The following ZMAT4 variants were observed in gnomAD, a reference collection of about 807,000 sequenced individuals.
The protein encoded by ZMAT4 is zinc finger matrin-type 4.
In ZMAT4, 17 loss-of-function variants were observed where a neutral mutation model predicts 28.7. The observed-to-expected ratio is 0.59, with a 90% confidence interval of 0.41 to 0.89. The LOEUF is 0.89. Ranked by LOEUF, ZMAT4 falls within the 40% of genes least tolerant of loss-of-function variation. The pLI is 0.00. For synonymous variants in ZMAT4, 117 were observed against 109.2 expected (o/e 1.07, Z -0.44); for missense variants, 240 against 283.8 (o/e 0.85, Z 1.11).
chr8:40,720,332 G>A (rs767249312), intron 3 of ZMAT4, among the ~76,000 whole-genome samples: 2 of 151,962 alleles, frequency 1.3e-5, no homozygotes, highest in Non-Finnish European at 2.9e-5. Context: ...TCTACACTTG[G>A]TTTTCTAGGA....
At chr8:40,604,741 C>T (rs190886329) in intron 5 of ZMAT4, among the ~76,000 whole-genome samples, 41 of 152,190 alleles carry the variant, frequency 2.7e-4, no homozygotes, top group Admixed American at 1.5e-3. Flanking sequence ...CCTCATAGAA[C>T]GATTTAGAAA....
intron 6 of ZMAT4, among the ~76,000 whole-genome samples, chr8:40,578,574 C>T (rs1804346065): frequency 6.6e-6 from 1 of 152,032 alleles, no homozygotes; most frequent in South Asian, 2.1e-4. Flanking sequence ...AAGAATTGAA[C>T]AAACATTTAT....
intron 5 of ZMAT4, among the ~76,000 whole-genome samples, chr8:40,601,533 AAG>A: frequency 7.4e-6 from 1 of 135,556 alleles, no homozygotes; most frequent in African/African-American, 2.8e-5. Flanking sequence ...AAGAGGGAGA[AAG>A]GGGAAGGGGG....
intron 1 of ZMAT4, among the ~76,000 whole-genome samples, chr8:40,853,789 T>C (rs970597461): frequency 6.6e-6 from 1 of 152,204 alleles, no homozygotes; most frequent in African/African-American, 2.4e-5. Context: ...AGGCAAATAA[T>C]GTTTTAACAT....
At chr8:40,550,256 A>T (rs1037617458) in intron 6 of ZMAT4, among the ~76,000 whole-genome samples, 1 of 152,088 alleles carries the variant, frequency 6.6e-6, no homozygotes, top group African/African-American at 2.4e-5. Flanking sequence ...CTGCTTTCTG[A>T]GATTGCACAG....
intron 4 of ZMAT4, among the ~76,000 whole-genome samples, chr8:40,680,371 T>C (rs1160606055): frequency 2.0e-5 from 3 of 152,004 alleles, no homozygotes; most frequent in Admixed American, 2.0e-4. Flanking sequence ...CCTAGGCAAA[T>C]TGAAATTGGT....
At chr8:40,820,445 G>T (rs898857667) in intron 2 of ZMAT4, among the ~76,000 whole-genome samples, 3 of 148,862 alleles carry the variant, frequency 2.0e-5, no homozygotes, top group Non-Finnish European at 4.5e-5. Context: ...GTGTGTATTT[G>T]TGTGTGGGGT....
chr8:40,701,940 C>A (rs1341047557), intron 3 of ZMAT4, among the ~76,000 whole-genome samples: 2 of 152,132 alleles, frequency 1.3e-5, no homozygotes, highest in Non-Finnish European at 2.9e-5. Context: ...ATCCCCAATG[C>A]AACAGTGTTG....
At chr8:40,685,008 A>C (rs1809336970) in intron 4 of ZMAT4, among the ~76,000 whole-genome samples, 1 of 152,156 alleles carries the variant, frequency 6.6e-6, no homozygotes, top group Admixed American at 6.5e-5. Context: ...TTTGCAAGCT[A>C]TGAAAATTGG....
chr8:40,707,213 T>TC (rs1810395404), intron 3 of ZMAT4, among the ~76,000 whole-genome samples: 1 of 101,584 alleles, frequency 9.8e-6, no homozygotes, highest in African/African-American at 3.5e-5. Flanking sequence ...CCTTCAGGCC[T>TC]GCCCCCCCAC....
intron 3 of ZMAT4, among the ~76,000 whole-genome samples, chr8:40,726,899 G>A (rs555161695): frequency 6.6e-6 from 1 of 152,162 alleles, no homozygotes; most frequent in Non-Finnish European, 1.5e-5. Flanking sequence ...GTTTGACTAA[G>A]GTAAAGGTCT....
Position 40,538,773 on chromosome 8 carries a change from T to C in ZMAT4, c.675-6535A>G, listed in dbSNP as rs897165733. 3.3e-5 allele frequency among the ~76,000 whole-genome samples: 5 copies of C among 152,182 alleles called. No homozygotes were observed. In the East Asian group the frequency reaches 9.7e-4, roughly 29 times the overall value. ...TTCTTTTATTGTTTCCTTTATTGCA[T>C]TTTTCTTTCTCTTTTTTTTTGTTTT... On this transcript the variant is annotated intron_variant, in intron 6 of 6. Coordinates refer to ENST00000297737, the MANE Select transcript of ZMAT4 (RefSeq NM_024645.3).
intron 5 of ZMAT4, among the ~76,000 whole-genome samples, chr8:40,627,891 A>G (rs1806432329): frequency 6.6e-6 from 1 of 152,156 alleles, no homozygotes. Flanking sequence ...CAGGAGCCTG[A>G]GGGATTTAAG....
chr8:40,861,779 CAGA>C (rs1311207549), intron 1 of ZMAT4, among the ~76,000 whole-genome samples: 3 of 152,198 alleles, frequency 2.0e-5, no homozygotes, highest in Non-Finnish European at 4.4e-5. Context: ...AGACACTTCT[CAGA>C]AGAAGACATT....
intron 5 of ZMAT4, among the ~76,000 whole-genome samples, chr8:40,608,316 G>T (rs1332023462): frequency 1.3e-5 from 2 of 152,104 alleles, no homozygotes; most frequent in Non-Finnish European, 2.9e-5. Flanking sequence ...GGGAAATATG[G>T]CTGCCTCTGC....
At chr8:40,812,793 G>A (rs950962920) in intron 2 of ZMAT4, among the ~76,000 whole-genome samples, 29 of 151,948 alleles carry the variant, frequency 1.9e-4, no homozygotes, top group African/African-American at 6.5e-4. Flanking sequence ...TTAGCTGGGC[G>A]TGGTGGCAGG....
intron 5 of ZMAT4, among the ~76,000 whole-genome samples, chr8:40,674,117 CAG>C (rs1249273804): frequency 3.4e-4 from 39 of 113,814 alleles, no homozygotes; most frequent in African/African-American, 1.3e-3. Context: ...ATTTTTGAGA[CAG>C]AGTCTCACTC....
chr8:40,754,510 CAT>C (rs1812591951), intron 3 of ZMAT4, among the ~76,000 whole-genome samples: 1 of 152,110 alleles, frequency 6.6e-6, no homozygotes, highest in Non-Finnish European at 1.5e-5. Context: ...AGCAATATGC[CAT>C]ATGTTTCCAC....
chr8:40,871,845 G>C (rs1046184039), intron 1 of ZMAT4, among the ~76,000 whole-genome samples: 5 of 152,142 alleles, frequency 3.3e-5, no homozygotes, highest in African/African-American at 1.2e-4. Flanking sequence ...TGCGCTCTCA[G>C]GAAAGGATTT....
Sources: allele counts gnomAD v4.1 joint callset (sites outside exome capture counted in the v4.1 genomes callset), GRCh38; gene constraint gnomAD v4.1.1; transcripts MANE v1.5; gene names NCBI Gene and HGNC (gene_info 2026-07-23, HGNC 2026-07-21).